RRP12: variants seen among roughly 807,000 people sequenced by gnomAD.
The protein encoded by RRP12 is RRP12-like protein.
A neutral mutation model predicts 157.3 loss-of-function variants in RRP12; 78 were observed. The ratio of observed to expected loss-of-function variants is 0.50; its 90% CI spans 0.41 to 0.60. RRP12 has a LOEUF of 0.60. Ranked by LOEUF, RRP12 falls within the 20% of genes least tolerant of loss-of-function variation. The pLI is 0.00. For synonymous variants in RRP12, 726 were observed against 670.9 expected (o/e 1.08, Z -1.27); for missense variants, 1,521 against 1,679.9 (o/e 0.91, Z 1.65).
At chr10:97,397,432 G>T (rs1269844666) in intron 2 of RRP12, among the ~76,000 whole-genome samples, 1 of 152,104 alleles carries the variant, frequency 6.6e-6, no homozygotes, top group African/African-American at 2.4e-5. Context: ...AAAGTGCTAG[G>T]ATTACAGGCG....
At chr10:97,358,463 C>T in intron 33 of RRP12, 74 bp downstream of exon 33, 3 of 1,113,776 alleles carry the variant, frequency 2.7e-6, no homozygotes, top group Non-Finnish European at 4.1e-6. Context: ...TAAGGCCTTC[C>T]CTTCTTTAGA....
intron 9 of RRP12, among the ~76,000 whole-genome samples, 165 bp from the exon 10 acceptor site, chr10:97,385,422 T>C (rs3818787): frequency 0.4 from 60,718 of 151,744 alleles, 12,894 homozygotes; most frequent in African/African-American, 0.55. Flanking sequence ...CCCTTCTCCA[T>C]GAAGCCCTCC....
At chr10:97,381,522 G>A (rs1435956694) in intron 11 of RRP12, 39 bp from the exon 12 acceptor site, 5 of 1,518,258 alleles carry the variant, frequency 3.3e-6, no homozygotes, top group Admixed American at 3.8e-5. Context: ...GCCCAAGGCA[G>A]CCCCCCAGGA....
chr10:97,375,012 A>G (rs1033538433), intron 15 of RRP12, among the ~76,000 whole-genome samples: 1 of 152,156 alleles, frequency 6.6e-6, no homozygotes, highest in Non-Finnish European at 1.5e-5. Context: ...GGAGCGGCGG[A>G]GTTGGGATAT....
intron 14 of RRP12, 67 bp from the exon 15 acceptor site, chr10:97,379,481 C>G (rs997663401): frequency 3.7e-6 from 6 of 1,606,708 alleles, no homozygotes; most frequent in Non-Finnish European, 5.1e-6. Context: ...GCATAGCATA[C>G]TGAGCCCAGG....
chr10:97,376,212 C>CTTTTTTTTTT (rs771016888), intron 15 of RRP12, among the ~76,000 whole-genome samples: 2 of 107,536 alleles, frequency 1.9e-5, no homozygotes, highest in Non-Finnish European at 3.6e-5. Context: ...CTTTTACTTT[C>CTTTTTTTTTT]TTTTTTTTTT....
At position 97,372,416 on chromosome 10, in the gene RRP12, T is replaced by C. The variant is rs144829525; in HGVS notation, c.2250-250A>G. On this transcript the variant is annotated intron_variant, in intron 19 of 33. Transcript: ENST00000370992. ...CATAGCAACCTTGTTGCAAGAACTATTATCGTGCCCATTTTACAGATGAGG... is the reference window on the plus strand; with the variant it reads ...CATAGCAACCTTGTTGCAAGAACTACTATCGTGCCCATTTTACAGATGAGG... 2.2e-3 allele frequency among the ~76,000 whole-genome samples: 329 copies of C among 152,312 alleles called. 1 individual carries two copies. Among genetic ancestry groups the C allele is most frequent in the African/African-American group, 7.4e-3 (308 of 41,556 alleles).
rs1564774206 is a variant in RRP12 at position 97,400,453 on chromosome 10, G to A, written c.221C>T (p.Ala74Val). 1 of 1,614,100 alleles carries A rather than the reference G, an allele frequency of 6.2e-7. No individual in the cohort carries two copies. Among genetic ancestry groups the A allele is most frequent in the Middle Eastern group, 1.6e-4 (1 of 6,062 alleles). Residue 74 changes from alanine to valine, a missense_variant, in exon 2 of 34, where the codon GCC (alanine) becomes GTC (valine). Physicochemically the swap from Ala to Val is moderately conservative, Grantham distance 64. Transcript: ENST00000370992. Reference sequence around the variant, plus strand: ...CTCTTCTTCCATGGGCGTCTCCGGGGCTTCGCTTTTGCCCAAGCGCAAGGA... The same window carrying A: ...CTCTTCTTCCATGGGCGTCTCCGGGACTTCGCTTTTGCCCAAGCGCAAGGA... The part of the protein sequence containing the change: ...SGSLRLGKSE[A>V]PETPMEEEAE...
intron 10 of RRP12, 50 bp from the exon 11 acceptor site, chr10:97,381,876 C>G (rs368082352): frequency 7.1e-7 from 1 of 1,411,858 alleles, no homozygotes; most frequent in Non-Finnish European, 9.9e-7. Flanking sequence ...CCTGGGGACC[C>G]GGGCAACCAG....
At chr10:97,357,792 A>C (rs1478856917) in intron 33 of RRP12, among the ~76,000 whole-genome samples, 1 of 151,890 alleles carries the variant, frequency 6.6e-6, no homozygotes, top group East Asian at 1.9e-4. Context: ...CCCCGTCTCT[A>C]CTAAAAATAC....
chr10:97,372,020 G>T (rs1844169017), intron 20 of RRP12, 53 bp downstream of exon 20: 2 of 1,291,080 alleles, frequency 1.5e-6, no homozygotes, highest in Non-Finnish European at 2.2e-6. Flanking sequence ...CCTTCCCACA[G>T]CCCATCTGCC....
At chr10:97,379,471 G>A (rs1844402667) in intron 14 of RRP12, 57 bp from the exon 15 acceptor site, 15 of 1,608,164 alleles carry the variant, frequency 9.3e-6, no homozygotes, top group Non-Finnish European at 1.1e-5. Context: ...TGAGGGCAGT[G>A]CATAGCATAC....
Position 97,388,761 on chromosome 10 carries a change from C to T in RRP12, c.754-137G>A, listed in dbSNP as rs1426243430. 2.2e-5 allele frequency: 23 copies of T among 1,050,858 alleles called. No individual in the cohort carries two copies. The Admixed American group carries it at 5.2e-4, about 24-fold the overall frequency. 65.1% of individuals were successfully genotyped at this position (1,050,858 alleles called of 1,614,324 possible). A position where few individuals can be genotyped will look rare whatever the true frequency, so the allele number is the denominator to read the frequency against. On this transcript the variant is annotated intron_variant, in intron 6 of 33. Coordinates refer to ENST00000370992, the MANE Select transcript of RRP12 (RefSeq NM_015179.4). ...TGATCTGACTACTATAGATCCAGTG[C>T]TACACCAGGGCCTTCATGTGTACAG...
rs151121243 is a variant in RRP12, at chr10:97,391,643, C to T, written c.531-799G>A. 2.5e-3 allele frequency among the ~76,000 whole-genome samples: 381 copies of T among 151,924 alleles called. 2 individuals carry two copies. The Middle Eastern group carries it at 0.066, about 26-fold the overall frequency. On this transcript the variant is annotated intron_variant, in intron 4 of 33. Transcript: ENST00000370992. ...ACATAAGATAAAACATCATTTCGGC[C>T]GGACGCAGTGGCTCACGCCTGTAAT...
At chr10:97,374,935 T>G (rs1353097471) in intron 15 of RRP12, among the ~76,000 whole-genome samples, 1 of 152,104 alleles carries the variant, frequency 6.6e-6, no homozygotes, top group Non-Finnish European at 1.5e-5. Context: ...TCACAAAACT[T>G]GCCCATTTTA....
Position 97,366,518 on chromosome 10 carries a change from C to T in RRP12, c.3319G>A (p.Ala1107Thr). 6.2e-7 allele frequency: 1 copy of T among 1,614,108 alleles called. No individual in the cohort carries two copies. The highest frequency in any genetic ancestry group is 8.5e-7 in the Non-Finnish European group (1 of 1,180,038). The change falls in exon 28 of 34, where the codon GCA becomes ACA. Residue 1107 changes from alanine to threonine, a missense_variant. Coordinates refer to ENST00000370992, the MANE Select transcript of RRP12 (RefSeq NM_015179.4). ...QRKLARQRSR[A>T]WLKEGGGDEP... ...TCCCCACCGCCCTCTTTCAGCCATG[C>T]CCGGCTCCTCTGTCGTGCCAGCTTC...
intron 10 of RRP12, among the ~76,000 whole-genome samples, chr10:97,383,480 G>A (rs1844526391): frequency 6.6e-6 from 1 of 151,306 alleles, no homozygotes; most frequent in South Asian, 2.1e-4. Flanking sequence ...CACACGCCTG[G>A]GTGACAGCAG....
At chr10:97,379,553 A>G in intron 14 of RRP12, 75 bp downstream of exon 14, 1 of 1,595,590 alleles carries the variant, frequency 6.3e-7, no homozygotes, top group Non-Finnish European at 8.6e-7. Context: ...ACTTTAGCCC[A>G]CAGCAGCAGA....
intron 29 of RRP12, among the ~76,000 whole-genome samples, chr10:97,364,852 A>AG (rs1443407476): frequency 1.3e-5 from 2 of 152,152 alleles, no homozygotes; most frequent in African/African-American, 4.8e-5. Flanking sequence ...CCTGAAGAGC[A>AG]GGGGGGTTTG....
Sources: allele counts gnomAD v4.1 joint callset (sites outside exome capture counted in the v4.1 genomes callset), GRCh38; gene constraint gnomAD v4.1.1; transcripts MANE v1.5; gene names NCBI Gene and HGNC (gene_info 2026-07-23, HGNC 2026-07-21).